The following DACH1 variants were observed in gnomAD, a reference collection of about 807,000 sequenced individuals.
The protein encoded by DACH1 is dachshund family transcription factor 1.
Under a neutral mutation model 54.2 loss-of-function variants are expected in DACH1, and 12 were observed. The observed-to-expected ratio is 0.22, with a 90% CI of 0.14 to 0.36. The LOEUF is 0.36. Among genes scored for constraint, DACH1 ranks in the 10% least tolerant of loss-of-function variants. The pLI, the probability that DACH1 is intolerant of heterozygous loss-of-function variation, is 1.00. For missense variants in DACH1, 805 were observed against 929.8 expected (o/e 0.87, Z 1.75); for synonymous variants, 386 against 366.2 (o/e 1.05, Z -0.62).
intron 1 of DACH1, among the ~76,000 whole-genome samples, chr13:71,689,845 G>A (rs997386398): frequency 3.3e-5 from 5 of 152,060 alleles, no homozygotes; most frequent in African/African-American, 1.2e-4. Context: ...GGATAATCTC[G>A]CCCTCGCCCT....
intron 1 of DACH1, among the ~76,000 whole-genome samples, chr13:71,779,201 ATATGTGTATATATATACGTAT>A (rs1480525168): frequency 8.3e-6 from 1 of 120,428 alleles, no homozygotes; most frequent in Non-Finnish European, 1.7e-5. Flanking sequence ...ATATACGTAT[ATATGTGTATATATATACGTAT>A]ATACGTATAT....
At chr13:71,553,856 G>A (rs959243571) in intron 6 of DACH1, among the ~76,000 whole-genome samples, 1 of 151,598 alleles carries the variant, frequency 6.6e-6, no homozygotes, top group African/African-American at 2.4e-5. Context: ...AACATAAAAT[G>A]TTTAAGTTAC....
intron 6 of DACH1, among the ~76,000 whole-genome samples, chr13:71,553,659 T>C (rs1884051581): frequency 6.8e-6 from 1 of 146,532 alleles, no homozygotes; most frequent in Admixed American, 6.9e-5. Flanking sequence ...ATAGTATATA[T>C]ATATATATAT....
At chr13:71,821,536 T>C (rs753819569) in intron 1 of DACH1, among the ~76,000 whole-genome samples, 1 of 143,098 alleles carries the variant, frequency 7.0e-6, no homozygotes, top group Non-Finnish European at 1.6e-5. Flanking sequence ...TTCTTCAAAA[T>C]ATTCAGTTTT....
At chr13:71,633,421 T>C (rs1877249447) in intron 2 of DACH1, among the ~76,000 whole-genome samples, 1 of 152,194 alleles carries the variant, frequency 6.6e-6, no homozygotes, top group Non-Finnish European at 1.5e-5. Flanking sequence ...GACACAGCCC[T>C]CTCAGCTAGA....
chr13:71,731,035 T>C (rs1883718119), intron 1 of DACH1, among the ~76,000 whole-genome samples: 1 of 152,142 alleles, frequency 6.6e-6, no homozygotes, highest in Admixed American at 6.6e-5. Context: ...TTAATTGTAG[T>C]TTATCTACCT....
chr13:71,775,799 G>A (rs1242339342), intron 1 of DACH1, among the ~76,000 whole-genome samples: 3 of 152,014 alleles, frequency 2.0e-5, no homozygotes, highest in African/African-American at 7.2e-5. Context: ...CATCATATTA[G>A]TATGAACATT....
chr13:71,768,433 C>T (rs1226031538), intron 1 of DACH1, among the ~76,000 whole-genome samples: 1 of 151,918 alleles, frequency 6.6e-6, no homozygotes, highest in Non-Finnish European at 1.5e-5. Context: ...CTTTTCTTTC[C>T]TCTCTGGCCT....
At chr13:71,819,455 A>G (rs899248451) in intron 1 of DACH1, among the ~76,000 whole-genome samples, 4 of 152,174 alleles carry the variant, frequency 2.6e-5, no homozygotes, top group African/African-American at 4.8e-5. Flanking sequence ...GTGTCATTGG[A>G]GCCTCTCTCC....
intron 2 of DACH1, among the ~76,000 whole-genome samples, chr13:71,667,774 T>C (rs1034227266): frequency 6.6e-6 from 1 of 152,132 alleles, no homozygotes; most frequent in Non-Finnish European, 1.5e-5. Flanking sequence ...TACTTAAAGG[T>C]TAGGTATGAT....
At chr13:71,859,818 C>A (rs552870188) in intron 1 of DACH1, among the ~76,000 whole-genome samples, 1 of 151,692 alleles carries the variant, frequency 6.6e-6, no homozygotes, top group Non-Finnish European at 1.5e-5. Context: ...TGCTAAAAAG[C>A]GAATATCAGC....
At chr13:71,552,270 A>G (rs1883865048) in intron 6 of DACH1, among the ~76,000 whole-genome samples, 1 of 152,168 alleles carries the variant, frequency 6.6e-6, no homozygotes, top group Non-Finnish European at 1.5e-5. Flanking sequence ...ATTACATCAC[A>G]TTGGACTACT....
chr13:71,443,827 C>G (rs1473526863), intron 10 of DACH1, among the ~76,000 whole-genome samples: 1 of 152,106 alleles, frequency 6.6e-6, no homozygotes, highest in African/African-American at 2.4e-5. Context: ...CCTCCTAAAT[C>G]AGGTATTAAT....
chr13:71,857,959 A>G (rs1874112118), intron 1 of DACH1, among the ~76,000 whole-genome samples: 1 of 151,686 alleles, frequency 6.6e-6, no homozygotes, highest in Admixed American at 6.6e-5. Context: ...AAAACAGCCC[A>G]TTTACTGTTG....
chr13:71,816,782 C>T (rs1244195844), intron 1 of DACH1, among the ~76,000 whole-genome samples: 3 of 151,656 alleles, frequency 2.0e-5, no homozygotes, highest in Non-Finnish European at 4.4e-5. Flanking sequence ...GAGATGGAGG[C>T]CATTGTCCTT....
At chr13:71,833,511 A>AT (rs912895680) in intron 1 of DACH1, among the ~76,000 whole-genome samples, 2 of 151,934 alleles carry the variant, frequency 1.3e-5, no homozygotes, top group Middle Eastern at 3.4e-3. Flanking sequence ...TAGCATCATA[A>AT]TTTTTTTTAC....
intron 1 of DACH1, among the ~76,000 whole-genome samples, chr13:71,823,752 C>T (rs141575156): frequency 2.8e-3 from 427 of 151,846 alleles, no homozygotes; most frequent in African/African-American, 9.5e-3. Context: ...ATGACAACCT[C>T]GTTATAAGAT....
At chr13:71,823,860 T>C (rs1888285781) in intron 1 of DACH1, among the ~76,000 whole-genome samples, 1 of 151,940 alleles carries the variant, frequency 6.6e-6, no homozygotes, top group South Asian at 2.1e-4. Flanking sequence ...GCAAAAATAA[T>C]GCATAATTAT....
At chr13:71,695,487 A>G (rs1401614098) in intron 1 of DACH1, among the ~76,000 whole-genome samples, 9 of 152,326 alleles carry the variant, frequency 5.9e-5, no homozygotes, top group East Asian at 1.9e-4. Flanking sequence ...CCTAAAGACA[A>G]AAAAAGCATT....
Sources: gnomAD v4.1 joint callset for allele counts (sites outside exome capture counted in the v4.1 genomes callset) on GRCh38, gnomAD v4.1.1 for gene constraint, MANE v1.5 for transcripts, NCBI Gene and HGNC (gene_info 2026-07-23, HGNC 2026-07-21) for gene names.